Variants in ADAM7 observed in about 807,000 individuals in gnomAD.
ADAM7 encodes the protein disintegrin and metalloproteinase domain-containing protein 7.
In ADAM7, 97 loss-of-function variants were observed where a neutral mutation model predicts 102.9. The ratio of observed to expected loss-of-function variants is 0.94; its 90% CI spans 0.80 to 1.12. ADAM7 has a LOEUF of 1.12. Ranked by LOEUF, ADAM7 falls within the 50% of genes most tolerant of loss-of-function variation. The pLI is 0.00. For missense variants in ADAM7, 991 were observed against 908.7 expected, an observed-to-expected ratio of 1.09 and a Z score of -1.16; for synonymous variants, 334 against 304.4, an observed-to-expected ratio of 1.10 and a Z score of -1.01.
At position 24,476,475 on chromosome 8, in the gene ADAM7, A is replaced by G; in HGVS notation, c.676A>G (p.Ile226Val). 6.2e-7 allele frequency: 1 copy of G among 1,609,260 alleles called. No homozygotes were observed. The highest frequency in any genetic ancestry group is 8.5e-7 in the Non-Finnish European group (1 of 1,176,842). The change falls in exon 8 of 22, where the codon ATT (isoleucine) becomes GTT (valine). Residue 226 changes from isoleucine (I) to valine (V), a missense_variant. Ile to Val is a conservative substitution (Grantham distance 29). Transcript: ENST00000175238. The part of the protein sequence containing the change: ...GHPHNKLRNR[I>V]WGMVNFVNMI... Reference sequence around the variant, plus strand: ...TCCTCACAATAAACTAAGGAACCGAATTTGGGGAATGGTCAATTTTGTCAA... The same window carrying G: ...TCCTCACAATAAACTAAGGAACCGAGTTTGGGGAATGGTCAATTTTGTCAA...
chr8:24,448,095 T>C (rs1048327988), intron 3 of ADAM7, among the ~76,000 whole-genome samples: 1 of 152,136 alleles, frequency 6.6e-6, no homozygotes, highest in Admixed American at 6.6e-5. Context: ...TATTTTCACC[T>C]TCTCAGCATG....
chr8:24,487,100 C>T (rs1335983032), intron 10 of ADAM7, 87 bp from the exon 11 acceptor site: 2 of 1,379,020 alleles, frequency 1.5e-6, no homozygotes, highest in Non-Finnish European at 1.9e-6. Context: ...GAGCTAGAAG[C>T]CAGGTCTTTC....
chr8:24,508,191 A>G (rs890932103), intron 21 of ADAM7, among the ~76,000 whole-genome samples: 1 of 152,124 alleles, frequency 6.6e-6, no homozygotes, highest in Admixed American at 6.6e-5. Flanking sequence ...AGGTGTAATA[A>G]GATACACCGC....
At chr8:24,504,008 C>A (rs1021285274) in intron 20 of ADAM7, among the ~76,000 whole-genome samples, 1 of 150,554 alleles carries the variant, frequency 6.6e-6, no homozygotes, top group Non-Finnish European at 1.5e-5. Flanking sequence ...ACATGTATCC[C>A]TGAACTTCAA....
chr8:24,490,815 G>A lies in ADAM7; in HGVS notation c.1283G>A (p.Cys428Tyr), dbSNP rs566614410. Residue 428 changes from cysteine to tyrosine, a missense_variant, in exon 13 of 22, where the codon TGC becomes TAC. Transcript: ENST00000175238. ...TATTGCCAGGAGTGTACTAATCCTT[G>A]CTGTGATGCACACACATGTGTACTG... ...CGPAQECTNP[C>Y]CDAHTCVLKP... The A allele has an allele frequency of 5.5e-5, 88 of 1,613,542 alleles. No individual in the cohort carries two copies. The highest frequency in any genetic ancestry group is 7.3e-5 in the Non-Finnish European group (86 of 1,179,742).
At chr8:24,507,973 G>C (rs1821007962) in intron 21 of ADAM7, among the ~76,000 whole-genome samples, 1 of 152,108 alleles carries the variant, frequency 6.6e-6, no homozygotes, top group Non-Finnish European at 1.5e-5. Flanking sequence ...TCAATAAATG[G>C]AAGGGTTGAT....
chr8:24,486,617 A>G (rs761007811), intron 10 of ADAM7, among the ~76,000 whole-genome samples: 1 of 152,182 alleles, frequency 6.6e-6, no homozygotes, highest in Non-Finnish European at 1.5e-5. Flanking sequence ...TAGGAAATCC[A>G]AGATTAAGTC....
chr8:24,488,911 CAGTCTGTAAGGTGGGCT>C (rs1192294058), intron 11 of ADAM7, among the ~76,000 whole-genome samples: 2 of 152,034 alleles, frequency 1.3e-5, no homozygotes, highest in South Asian at 2.1e-4. Flanking sequence ...CACAGACAAC[CAGTCTGTAAGGTGGGCT>C]TCAGGAAGGA....
intron 3 of ADAM7, among the ~76,000 whole-genome samples, chr8:24,462,452 C>A (rs1016256849): frequency 2.0e-5 from 3 of 152,160 alleles, no homozygotes; most frequent in Admixed American, 1.3e-4. Flanking sequence ...CAGACTTCAG[C>A]CTGACCTCAA....
At chr8:24,449,521 T>C (rs1818698082) in intron 3 of ADAM7, among the ~76,000 whole-genome samples, 1 of 152,216 alleles carries the variant, frequency 6.6e-6, no homozygotes, top group Non-Finnish European at 1.5e-5. Context: ...GTAAATTTGT[T>C]TGAGTTCATT....
intron 11 of ADAM7, among the ~76,000 whole-genome samples, chr8:24,488,452 A>G (rs566050199): frequency 6.6e-6 from 1 of 152,306 alleles, no homozygotes; most frequent in East Asian, 1.9e-4. Flanking sequence ...AGTGACTAAC[A>G]CAACTAAATG....
chr8:24,494,407 A>G (rs1820483958), intron 16 of ADAM7, among the ~76,000 whole-genome samples: 1 of 152,110 alleles, frequency 6.6e-6, no homozygotes, highest in Non-Finnish European at 1.5e-5. Context: ...GGTTGAAGAA[A>G]ATACCAAAAG....
In ADAM7 at chr8:24,489,303, G is replaced by C; in HGVS notation, c.1236G>C (p.Glu412Asp). The C allele has an allele frequency of 3.7e-6, 6 of 1,613,150 alleles. No individual in the cohort carries two copies. Among genetic ancestry groups the C allele is most frequent in the Non-Finnish European group, 5.1e-6 (6 of 1,179,518 alleles). The change falls in exon 12 of 22, where the codon GAG becomes GAC. Residue 412 changes from glutamate to aspartate, a missense_variant. Coordinates refer to ENST00000175238, the MANE Select transcript of ADAM7 (RefSeq NM_003817.4). ...FQFCGNKKLD[E>D]GEECDCGPAQ... ...TTTGTGGAAACAAGAAGTTGGATGA[G>C]GGTGAAGAGTGTGACTGTGGCCCTG...
At chr8:24,482,056 T>C in intron 8 of ADAM7, 86 bp from the exon 9 acceptor site, 1 of 1,000,932 alleles carries the variant, frequency 1.0e-6, no homozygotes, top group Non-Finnish European at 1.4e-6. Context: ...ATTATTGTTT[T>C]TTGGGGAAAT....
At chr8:24,443,159 T>C (rs978456143) in intron 2 of ADAM7, among the ~76,000 whole-genome samples, 1 of 152,220 alleles carries the variant, frequency 6.6e-6, no homozygotes, top group Non-Finnish European at 1.5e-5. Context: ...TAGATGAATG[T>C]CCTTAGGTAT....
chr8:24,502,134 A>C (rs1820783731), intron 20 of ADAM7, among the ~76,000 whole-genome samples: 1 of 152,194 alleles, frequency 6.6e-6, no homozygotes, highest in Non-Finnish European at 1.5e-5. Context: ...TAATTAGAAA[A>C]ATTCTCAGTT....
chr8:24,447,465 G>T (rs754272343), intron 3 of ADAM7, among the ~76,000 whole-genome samples: 1 of 152,080 alleles, frequency 6.6e-6, no homozygotes, highest in Non-Finnish European at 1.5e-5. Flanking sequence ...CTGTTCTCCC[G>T]TTCCTAAATA....
rs1414612211 is a variant in ADAM7 at position 24,500,172 on chromosome 8, T to G, written c.1924-6T>G. 2 of 1,609,254 alleles carry G rather than the reference T, an allele frequency of 1.2e-6. No homozygotes were observed. Among genetic ancestry groups the G allele is most frequent in the Non-Finnish European group, 1.7e-6 (2 of 1,176,916 alleles). On this transcript the variant is annotated splice_region_variant and splice_polypyrimidine_tract_variant and intron_variant, in intron 17 of 21. Transcript: ENST00000175238. ...TTTGAGAATATATCATTGACTGCTC[T>G]TCCAGGTGGATGGCCACGGACTCCA...
intron 20 of ADAM7, among the ~76,000 whole-genome samples, chr8:24,505,360 G>A (rs1235766062): frequency 6.6e-6 from 1 of 151,996 alleles, no homozygotes; most frequent in Non-Finnish European, 1.5e-5. Context: ...AAGAGAAGAT[G>A]AATAAATATC....
Sources: gnomAD v4.1 joint callset for allele counts (sites outside exome capture counted in the v4.1 genomes callset) on GRCh38, gnomAD v4.1.1 for gene constraint, MANE v1.5 for transcripts, NCBI Gene and HGNC (gene_info 2026-07-23, HGNC 2026-07-21) for gene names.